Variants in CLINT1 observed in about 807,000 individuals in gnomAD.
The protein encoded by CLINT1 is clathrin interactor 1.
In CLINT1, 15 loss-of-function variants were observed where a neutral mutation model predicts 70.4. That is an observed-to-expected ratio of 0.21 (90% confidence interval 0.14 to 0.33). CLINT1 has a LOEUF of 0.33. Among genes scored for constraint, CLINT1 ranks in the 10% least tolerant of loss-of-function variants. CLINT1 has a pLI of 1.00. For missense variants in CLINT1, 615 were observed against 778.1 expected (o/e 0.79, Z 2.49); for synonymous variants, 227 against 254.7 (o/e 0.89, Z 1.04).
chr5:157,834,501 A>G (rs1203282240), intron 1 of CLINT1, among the ~76,000 whole-genome samples: 2 of 152,194 alleles, frequency 1.3e-5, no homozygotes, highest in Non-Finnish European at 2.9e-5. Flanking sequence ...TCCTAATTGA[A>G]CTGGTAATCA....
At position 157,822,830 on chromosome 5, in the gene CLINT1, T is replaced by G. The variant is rs1289142099; in HGVS notation, c.42-5283A>C. Reference sequence around the variant, plus strand: ...GTAAAATAATTAACAAGAAAAAACTTGAGCAGTCCTTGTTGGTATTTTTTC... The same window carrying G: ...GTAAAATAATTAACAAGAAAAAACTGGAGCAGTCCTTGTTGGTATTTTTTC... On this transcript the variant is annotated intron_variant, in intron 1 of 11. Coordinates refer to ENST00000411809, the MANE Select transcript of CLINT1 (RefSeq NM_014666.4). Among the ~76,000 whole-genome samples, 5 of 152,182 alleles carry G rather than the reference T, an allele frequency of 3.3e-5. No individual in the cohort carries two copies. The East Asian group carries it at 9.6e-4, about 29-fold the overall frequency.
intron 1 of CLINT1, among the ~76,000 whole-genome samples, chr5:157,846,204 A>G (rs1029083943): frequency 1.3e-5 from 2 of 152,252 alleles, no homozygotes; most frequent in African/African-American, 4.8e-5. Flanking sequence ...TTGAAAGCTG[A>G]GACAGGCTAA....
rs3075709 is a variant in CLINT1, at chr5:157,829,689, A to ATT, written c.42-12144_42-12143dup. 9.6e-4 allele frequency among the ~76,000 whole-genome samples: 105 copies of ATT among 109,140 alleles called. 3 individuals carry two copies. Among genetic ancestry groups the ATT allele is most frequent in the Middle Eastern group, 5.1e-3 (1 of 196 alleles). 71.6% of individuals were successfully genotyped at this position (109,140 alleles called of 152,430 possible). ...TAGGTGCACGCCACCACACCCAGCT[A>ATT]TTTTTTTTTTTTTTTTTTTTTTTTG... On this transcript the variant is annotated intron_variant, in intron 1 of 11. Coordinates refer to ENST00000411809, the MANE Select transcript of CLINT1 (RefSeq NM_014666.4).
chr5:157,814,113 C>G, intron 4 of CLINT1, 72 bp downstream of exon 4: 1 of 957,886 alleles, frequency 1.0e-6, no homozygotes, highest in Non-Finnish European at 1.6e-6. Context: ...AGAGAAGCTT[C>G]TAAGCTGGTT....
chr5:157,848,984 G>A (rs539932583), intron 1 of CLINT1, among the ~76,000 whole-genome samples: 2 of 152,044 alleles, frequency 1.3e-5, no homozygotes, highest in Non-Finnish European at 2.9e-5. Flanking sequence ...TTTTAGTAGA[G>A]ACAGGATTTT....
At chr5:157,806,324 T>C (rs1435755484) in intron 6 of CLINT1, among the ~76,000 whole-genome samples, 1 of 152,174 alleles carries the variant, frequency 6.6e-6, no homozygotes, top group African/African-American at 2.4e-5. Context: ...GAATATCCTA[T>C]ATAAGTCTAA....
chr5:157,828,858 G>A (rs1453599405), intron 1 of CLINT1, among the ~76,000 whole-genome samples: 4 of 150,094 alleles, frequency 2.7e-5, no homozygotes, highest in African/African-American at 7.4e-5. Flanking sequence ...AGAGGCCGAG[G>A]CAGGCAGATC....
chr5:157,812,576 T>C (rs1407439462), intron 5 of CLINT1, among the ~76,000 whole-genome samples: 2 of 152,222 alleles, frequency 1.3e-5, no homozygotes, highest in Non-Finnish European at 2.9e-5. Context: ...CTTTTATATG[T>C]CAAAGTATGC....
At position 157,805,728 on chromosome 5, in the gene CLINT1, G is replaced by A. The variant is rs573305774; in HGVS notation, c.942+138C>T. 4 of 1,041,354 alleles carry A rather than the reference G, an allele frequency of 3.8e-6. No homozygotes were observed. In the Admixed American group the frequency reaches 8.2e-5, roughly 21 times the overall value. The allele number at this position is 1,041,354 out of a possible 1,614,324, so 64.5% of individuals were successfully genotyped here. A position where few individuals can be genotyped will look rare whatever the true frequency, so the allele number is the denominator to read the frequency against. The stretch of plus-strand genomic sequence containing the variant: ...CTCAAAGAGATTTCTTATTATTAAT[G>A]TCTCTTGGTAATACATGCCAGATGA... On this transcript the variant is annotated intron_variant, in intron 7 of 11. Coordinates refer to ENST00000411809, the MANE Select transcript of CLINT1 (RefSeq NM_014666.4).
intron 5 of CLINT1, among the ~76,000 whole-genome samples, chr5:157,811,263 C>T (rs1284320296): frequency 5.9e-5 from 9 of 151,956 alleles, no homozygotes; most frequent in Non-Finnish European, 8.8e-5. Context: ...CAAAACTGGC[C>T]GGGTGCGGTG....
At chr5:157,850,448 A>C (rs1753533300) in intron 1 of CLINT1, among the ~76,000 whole-genome samples, 1 of 151,704 alleles carries the variant, frequency 6.6e-6, no homozygotes, top group Non-Finnish European at 1.5e-5. Flanking sequence ...ATGAAACCCT[A>C]TCTCTACAAA....
At chr5:157,823,141 T>C (rs144521707) in intron 1 of CLINT1, among the ~76,000 whole-genome samples, 1 of 152,216 alleles carries the variant, frequency 6.6e-6, no homozygotes, top group Non-Finnish European at 1.5e-5. Flanking sequence ...GACCTCTAAA[T>C]GTGTTCTGAC....
intron 1 of CLINT1, among the ~76,000 whole-genome samples, chr5:157,846,779 C>T (rs1753396639): frequency 6.6e-6 from 1 of 152,184 alleles, no homozygotes; most frequent in Non-Finnish European, 1.5e-5. Context: ...CCAGTGCTCA[C>T]TGCACATTAT....
chr5:157,820,779 T>A (rs113673863), intron 1 of CLINT1, among the ~76,000 whole-genome samples: 197 of 152,200 alleles, frequency 1.3e-3, no homozygotes, highest in African/African-American at 4.6e-3. Flanking sequence ...AGGAAAAAAA[T>A]GGCTAGTTTA....
chr5:157,790,370 ATGG>A, intron 10 of CLINT1: 2 of 266,204 alleles, frequency 7.5e-6, no homozygotes, highest in Non-Finnish European at 1.5e-5. Context: ...TGATTAATAT[ATGG>A]AACAATGTAG....
intron 1 of CLINT1, among the ~76,000 whole-genome samples, chr5:157,832,124 G>A (rs1426942672): frequency 6.6e-6 from 1 of 152,050 alleles, no homozygotes; most frequent in African/African-American, 2.4e-5. Context: ...AGTAGCTGGG[G>A]TTACAGGCAC....
At chr5:157,834,735 G>A (rs1413745320) in intron 1 of CLINT1, among the ~76,000 whole-genome samples, 2 of 152,048 alleles carry the variant, frequency 1.3e-5, no homozygotes, top group African/African-American at 2.4e-5. Flanking sequence ...AAGCCTTCCT[G>A]TTCTTTCCAA....
In CLINT1 at chr5:157,806,112, G is replaced by A. The variant is rs761027981; in HGVS notation, c.696C>T (p.Ser232=). Residue 232 remains serine, a splice_region_variant and synonymous_variant, in exon 7 of 12, where the codon AGC becomes AGT. Transcript: ENST00000411809. ...KDREDSPERC[S]DSDEEKKARR... is the part of the protein sequence containing the mutation. ...TCGCTTTCTTTTCCTCATCGCTGTC[G>A]CTAAAAGATATTAAAAATGAAGCAA... 17 of 1,612,038 alleles carry A rather than the reference G, an allele frequency of 1.1e-5. No homozygotes were observed. The highest frequency in any genetic ancestry group is 3.4e-5 in the Admixed American group (2 of 59,640).
chr5:157,818,917 T>A (rs891465839), intron 1 of CLINT1, among the ~76,000 whole-genome samples: 1 of 152,216 alleles, frequency 6.6e-6, no homozygotes, highest in South Asian at 2.1e-4. Flanking sequence ...ATAATTGTTA[T>A]AACAGGTGTC....
Sources: gnomAD v4.1 joint callset for allele counts (sites outside exome capture counted in the v4.1 genomes callset) on GRCh38, gnomAD v4.1.1 for gene constraint, MANE v1.5 for transcripts, NCBI Gene and HGNC (gene_info 2026-07-23, HGNC 2026-07-21) for gene names.